The following CYP7B1 variants were observed in gnomAD, a reference collection of about 807,000 sequenced individuals.
CYP7B1 encodes cytochrome P450 7B1.
A neutral mutation model predicts 42.7 loss-of-function variants in CYP7B1; 29 were observed. The ratio of observed to expected loss-of-function variants is 0.68; its 90% CI spans 0.51 to 0.93. CYP7B1 has a LOEUF of 0.93. Ranked by LOEUF, CYP7B1 falls within the 40% of genes least tolerant of loss-of-function variation. CYP7B1 has a pLI of 0.00. For synonymous variants in CYP7B1, 235 were observed against 218.2 expected (o/e 1.08, Z -0.68); for missense variants, 655 against 600.5 (o/e 1.09, Z -0.95).
chr8:64,637,109 G>T (rs750982440), intron 1 of CYP7B1, among the ~76,000 whole-genome samples: 9 of 152,132 alleles, frequency 5.9e-5, no homozygotes, highest in Non-Finnish European at 1.2e-4. Context: ...CAATGAGAAT[G>T]ATGTATAAAT....
intron 1 of CYP7B1, among the ~76,000 whole-genome samples, chr8:64,762,930 A>T (rs1252153338): frequency 6.6e-6 from 1 of 152,226 alleles, no homozygotes; most frequent in Non-Finnish European, 1.5e-5. Flanking sequence ...AAGACAGAGA[A>T]GGTGAATAAA....
intron 4 of CYP7B1, among the ~76,000 whole-genome samples, chr8:64,612,994 G>A (rs1805384556): frequency 6.6e-6 from 1 of 152,062 alleles, no homozygotes; most frequent in African/African-American, 2.4e-5. Flanking sequence ...GCTCTGATCT[G>A]CATAAAACCT....
At chr8:64,619,521 T>A (rs916799310) in intron 2 of CYP7B1, among the ~76,000 whole-genome samples, 3 of 152,140 alleles carry the variant, frequency 2.0e-5, no homozygotes, top group Admixed American at 1.3e-4. Context: ...GCAAGAAAAA[T>A]ACAATATAAA....
chr8:64,608,203 A>C (rs1805311589), intron 4 of CYP7B1, among the ~76,000 whole-genome samples: 1 of 152,240 alleles, frequency 6.6e-6, no homozygotes, highest in South Asian at 2.1e-4. Context: ...AAGAAAAATA[A>C]CAAATAAAAA....
intron 1 of CYP7B1, among the ~76,000 whole-genome samples, chr8:64,733,730 G>A (rs1447333887): frequency 6.6e-6 from 1 of 152,132 alleles, no homozygotes; most frequent in Admixed American, 6.5e-5. Context: ...CAGCTGCCTG[G>A]GAGGCTGAGG....
At chr8:64,606,178 C>T (rs909671711) in intron 4 of CYP7B1, among the ~76,000 whole-genome samples, 11 of 152,104 alleles carry the variant, frequency 7.2e-5, no homozygotes, top group Non-Finnish European at 1.6e-4. Context: ...GGACTGCCTT[C>T]GTTATTATAA....
intron 1 of CYP7B1, among the ~76,000 whole-genome samples, chr8:64,772,338 A>C (rs961401031): frequency 2.0e-5 from 3 of 152,172 alleles, no homozygotes; most frequent in Non-Finnish European, 2.9e-5. Flanking sequence ...GATGAAATCA[A>C]CTTTTAGCTC....
chr8:64,691,366 T>C (rs1806738774), intron 1 of CYP7B1, among the ~76,000 whole-genome samples: 3 of 151,776 alleles, frequency 2.0e-5, no homozygotes, highest in Admixed American at 2.0e-4. Context: ...CTCTTAACTC[T>C]TGTCCACTGT....
chr8:64,715,869 C>G (rs1349161107), intron 1 of CYP7B1, among the ~76,000 whole-genome samples: 1 of 152,198 alleles, frequency 6.6e-6, no homozygotes, highest in Non-Finnish European at 1.5e-5. Flanking sequence ...ATGATTTGTT[C>G]CCCAAATGAA....
intron 1 of CYP7B1, among the ~76,000 whole-genome samples, chr8:64,719,224 C>T (rs551996084): frequency 3.0e-4 from 46 of 152,214 alleles, no homozygotes; most frequent in Admixed American, 1.6e-3. Flanking sequence ...TTCTCCCCTC[C>T]GCACACTCAG....
intron 1 of CYP7B1, among the ~76,000 whole-genome samples, chr8:64,636,872 G>A (rs1386475706): frequency 6.6e-6 from 1 of 152,146 alleles, no homozygotes; most frequent in Non-Finnish European, 1.5e-5. Flanking sequence ...AATTAAAATA[G>A]AAAACCATGC....
At chr8:64,703,332 T>C (rs1349117984) in intron 1 of CYP7B1, among the ~76,000 whole-genome samples, 3 of 152,018 alleles carry the variant, frequency 2.0e-5, no homozygotes, top group Non-Finnish European at 4.4e-5. Context: ...TGCTTAATTA[T>C]ACATAAAACG....
At chr8:64,727,082 C>G (rs928047408) in intron 1 of CYP7B1, among the ~76,000 whole-genome samples, 1 of 152,182 alleles carries the variant, frequency 6.6e-6, no homozygotes, top group Non-Finnish European at 1.5e-5. Flanking sequence ...AAGTCACACT[C>G]TGGGAGATTC....
intron 1 of CYP7B1, among the ~76,000 whole-genome samples, chr8:64,756,324 T>C (rs1807808142): frequency 6.6e-6 from 1 of 152,218 alleles, no homozygotes; most frequent in Admixed American, 6.5e-5. Flanking sequence ...TTTAATTGGG[T>C]ACATATTTTA....
intron 1 of CYP7B1, among the ~76,000 whole-genome samples, chr8:64,657,682 G>A (rs1245102364): frequency 1.3e-5 from 2 of 152,156 alleles, no homozygotes; most frequent in Non-Finnish European, 2.9e-5. Context: ...AGACATTATA[G>A]AATGGAGATA....
chr8:64,735,252 G>A (rs1807469971), intron 1 of CYP7B1, among the ~76,000 whole-genome samples: 1 of 152,136 alleles, frequency 6.6e-6, no homozygotes, highest in Non-Finnish European at 1.5e-5. Context: ...TGCAAAATAT[G>A]TCGCTTTGGC....
chr8:64,774,229 G>T (rs1804284192), intron 1 of CYP7B1, among the ~76,000 whole-genome samples: 1 of 152,148 alleles, frequency 6.6e-6, no homozygotes, highest in Non-Finnish European at 1.5e-5. Context: ...GGAATTTCTG[G>T]ATTATTTACG....
intron 1 of CYP7B1, among the ~76,000 whole-genome samples, chr8:64,766,836 G>A (rs1023862720): frequency 5.9e-5 from 9 of 152,082 alleles, no homozygotes; most frequent in African/African-American, 1.7e-4. Context: ...TCACCTTCAC[G>A]GAGCCCCAGG....
Position 64,615,878 on chromosome 8 carries a change from G to C in CYP7B1, c.663C>G (p.Asp221Glu), listed in dbSNP as rs780057659. ...ELRDDFLKFD[D>E]KFAYLVSNIP... ...TGTTGGATACTAAATATGCAAACTT[G>C]TCATCAAATTTTAAAAAATCATCTC... The change falls in exon 3 of 6, where the codon GAC becomes GAG. Residue 221 changes from aspartate to glutamate, a missense_variant. Coordinates refer to ENST00000310193, the MANE Select transcript of CYP7B1 (RefSeq NM_004820.5). 1.2e-6 allele frequency: 2 copies of C among 1,613,630 alleles called. No individual in the cohort carries two copies. Among genetic ancestry groups the C allele is most frequent in the Admixed American group, 3.3e-5 (2 of 59,928 alleles).
Sources: allele counts gnomAD v4.1 joint callset (sites outside exome capture counted in the v4.1 genomes callset), GRCh38; gene constraint gnomAD v4.1.1; transcripts MANE v1.5; gene names NCBI Gene and HGNC (gene_info 2026-07-23, HGNC 2026-07-21).